The following KHDRBS2 variants were observed in gnomAD, a reference collection of about 807,000 sequenced individuals.
The protein encoded by KHDRBS2 is KH RNA binding domain containing, signal transduction associated 2.
KHDRBS2 carries 26 observed loss-of-function variants against 44.3 expected under a neutral mutation model. The observed-to-expected ratio is 0.59, with a 90% CI of 0.43 to 0.81. KHDRBS2 has a LOEUF of 0.81. Among genes scored for constraint, KHDRBS2 ranks in the 40% least tolerant of loss-of-function variants. The pLI, the probability that KHDRBS2 is intolerant of heterozygous loss-of-function variation, is 0.00. For synonymous variants in KHDRBS2, 194 were observed against 151.1 expected (o/e 1.28, Z -2.08); for missense variants, 476 against 433.1 (o/e 1.10, Z -0.88).
At chr6:61,948,034 G>A (rs1163305116) in intron 4 of KHDRBS2, among the ~76,000 whole-genome samples, 1 of 151,484 alleles carries the variant, frequency 6.6e-6, no homozygotes, top group Non-Finnish European at 1.5e-5. Context: ...GTACATAAAG[G>A]GAAGGCAATT....
intron 1 of KHDRBS2, among the ~76,000 whole-genome samples, chr6:62,224,513 G>C (rs982567547): frequency 2.0e-5 from 3 of 152,088 alleles, no homozygotes; most frequent in African/African-American, 7.2e-5. Context: ...TCCTAATATT[G>C]TTGGAAACAC....
chr6:61,796,801 T>C (rs1456009654), intron 6 of KHDRBS2, among the ~76,000 whole-genome samples: 1 of 152,116 alleles, frequency 6.6e-6, no homozygotes, highest in Non-Finnish European at 1.5e-5. Flanking sequence ...TTACCCCACA[T>C]GTTGTATGCC....
chr6:61,761,194 C>T (rs1779218701), intron 6 of KHDRBS2, among the ~76,000 whole-genome samples: 1 of 152,150 alleles, frequency 6.6e-6, no homozygotes, highest in African/African-American at 2.4e-5. Context: ...TAATGCCTGT[C>T]TGATGCAAAT....
chr6:61,664,061 C>G, the KHDRBS2 span, among the ~76,000 whole-genome samples: 1 of 151,774 alleles, frequency 6.6e-6, no homozygotes, highest in Non-Finnish European at 1.5e-5. Flanking sequence ...AAAGGTGAAA[C>G]TTGGTTTATT....
At chr6:62,214,026 A>G (rs1167446199) in intron 1 of KHDRBS2, among the ~76,000 whole-genome samples, 1 of 152,196 alleles carries the variant, frequency 6.6e-6, no homozygotes, top group Non-Finnish European at 1.5e-5. Flanking sequence ...TATTTAGAAA[A>G]TAGCTAACAA....
chr6:62,123,722 A>G (rs1808267717), intron 2 of KHDRBS2, among the ~76,000 whole-genome samples: 1 of 152,230 alleles, frequency 6.6e-6, no homozygotes, highest in Admixed American at 6.5e-5. Flanking sequence ...CTTATCACTG[A>G]TAATGCCACT....
At chr6:62,241,171 G>T (rs1834603423) in intron 1 of KHDRBS2, among the ~76,000 whole-genome samples, 1 of 152,084 alleles carries the variant, frequency 6.6e-6, no homozygotes, top group African/African-American at 2.4e-5. Flanking sequence ...AAGAAAGCAT[G>T]CAAAAGAGAC....
intron 2 of KHDRBS2, among the ~76,000 whole-genome samples, chr6:62,059,026 T>G: frequency 6.6e-6 from 1 of 151,570 alleles, no homozygotes; most frequent in Admixed American, 6.6e-5. Flanking sequence ...AAGAACCAAA[T>G]ATAAATACCT....
At chr6:61,815,888 T>C (rs1445934339) in intron 6 of KHDRBS2, among the ~76,000 whole-genome samples, 4 of 152,164 alleles carry the variant, frequency 2.6e-5, no homozygotes, top group African/African-American at 7.2e-5. Context: ...ATTTTTAAAA[T>C]ATGTGCTGCT....
At chr6:62,126,002 C>T (rs1356031442) in intron 2 of KHDRBS2, among the ~76,000 whole-genome samples, 2 of 124,712 alleles carry the variant, frequency 1.6e-5, no homozygotes, top group East Asian at 4.8e-4. Context: ...GCTTAGATAC[C>T]AGCTCAGCCA....
chr6:61,763,811 T>TA (rs1405579692), intron 6 of KHDRBS2, among the ~76,000 whole-genome samples: 1 of 152,164 alleles, frequency 6.6e-6, no homozygotes, highest in African/African-American at 2.4e-5. Flanking sequence ...ACTATTTTTA[T>TA]AAAAAAATTT....
intron 2 of KHDRBS2, among the ~76,000 whole-genome samples, chr6:62,097,588 T>C (rs1256029401): frequency 6.6e-6 from 1 of 152,108 alleles, no homozygotes; most frequent in Non-Finnish European, 1.5e-5. Context: ...TATCTTCTTC[T>C]ATGATTTCAC....
At chr6:62,106,973 C>A (rs1391252396) in intron 2 of KHDRBS2, among the ~76,000 whole-genome samples, 1 of 152,082 alleles carries the variant, frequency 6.6e-6, no homozygotes, top group Non-Finnish European at 1.5e-5. Context: ...AAGACAAACC[C>A]ACAGCCAATA....
chr6:62,014,503 T>C (rs1780852080), intron 3 of KHDRBS2, among the ~76,000 whole-genome samples: 1 of 152,126 alleles, frequency 6.6e-6, no homozygotes, highest in Non-Finnish European at 1.5e-5. Context: ...ACATAACAAA[T>C]TGCTGTCTCT....
At chr6:61,602,503 A>G in the KHDRBS2 span, among the ~76,000 whole-genome samples, 1 of 152,102 alleles carries the variant, frequency 6.6e-6, no homozygotes. Flanking sequence ...CCACTCCCAG[A>G]GCCCCTGGAA....
At chr6:62,186,587 A>C (rs767698479) in intron 1 of KHDRBS2, among the ~76,000 whole-genome samples, 12 of 135,498 alleles carry the variant, frequency 8.9e-5, no homozygotes, top group Non-Finnish European at 1.6e-4. Flanking sequence ...ATATTCATTT[A>C]AATATGAAAT....
chr6:61,772,571 G>A (rs1427911917), intron 6 of KHDRBS2, among the ~76,000 whole-genome samples: 1 of 152,100 alleles, frequency 6.6e-6, no homozygotes, highest in Non-Finnish European at 1.5e-5. Context: ...AGAAGAAATG[G>A]ATAAATTCCT....
chr6:62,115,205 G>A (rs906938394), intron 2 of KHDRBS2, among the ~76,000 whole-genome samples: 1 of 152,066 alleles, frequency 6.6e-6, no homozygotes, highest in African/African-American at 2.4e-5. Context: ...AAAGAGAACT[G>A]GTTTGAGTAT....
intron 6 of KHDRBS2, among the ~76,000 whole-genome samples, chr6:61,833,939 T>C (rs80160930): frequency 0.067 from 10,188 of 152,150 alleles, 406 homozygotes; most frequent in Middle Eastern, 0.12. Context: ...CACAAGTGTT[T>C]CTATGCAACA....
Sources: gnomAD v4.1 joint callset for allele counts (sites outside exome capture counted in the v4.1 genomes callset) on GRCh38, gnomAD v4.1.1 for gene constraint, MANE v1.5 for transcripts, NCBI Gene and HGNC (gene_info 2026-07-23, HGNC 2026-07-21) for gene names.